Variants in KCNIP4 observed in about 807,000 individuals in gnomAD.
KCNIP4 encodes potassium voltage-gated channel interacting protein 4, also known as Kv channel-interacting protein 4.
Under a neutral mutation model 34.0 loss-of-function variants are expected in KCNIP4, and 12 were observed. The observed-to-expected ratio is 0.35, with a 90% confidence interval of 0.23 to 0.57. The LOEUF (loss-of-function observed/expected upper bound fraction) is 0.57. Among genes scored for constraint, KCNIP4 ranks in the 20% least tolerant of loss-of-function variants. The pLI is 0.83. For synonymous variants in KCNIP4, 124 were observed against 102.2 expected (o/e 1.21, Z -1.29); for missense variants, 238 against 311.7 (o/e 0.76, Z 1.78).
At chr4:21,910,515 G>A (rs1728243652) in intron 1 of KCNIP4, among the ~76,000 whole-genome samples, 1 of 152,112 alleles carries the variant, frequency 6.6e-6, no homozygotes, top group South Asian at 2.1e-4. Flanking sequence ...GGAGGATCTT[G>A]TGAAGCCCCA....
chr4:21,789,532 A>C (rs1720137074), intron 1 of KCNIP4, among the ~76,000 whole-genome samples: 1 of 152,096 alleles, frequency 6.6e-6, no homozygotes, highest in Admixed American at 6.6e-5. Context: ...TAAAAATCTA[A>C]ATTTCTGTAT....
chr4:21,796,955 T>C (rs771897207), intron 1 of KCNIP4, among the ~76,000 whole-genome samples: 1 of 152,170 alleles, frequency 6.6e-6, no homozygotes, highest in Non-Finnish European at 1.5e-5. Context: ...GCTTCTGACA[T>C]TGGCAAAGCT....
At position 21,337,664 on chromosome 4, in the gene KCNIP4, G is replaced by A. The variant is rs142078925; in HGVS notation, c.62-454955C>T. On this transcript the variant is annotated intron_variant, in intron 1 of 8. Transcript: ENST00000382152. Reference sequence around the variant, plus strand: ...AGAGGAAAAAAAATGCCTCCTAAGAGGCTTCAACTGGCTATGCTAGAATGG... The same window carrying A: ...AGAGGAAAAAAAATGCCTCCTAAGAAGCTTCAACTGGCTATGCTAGAATGG... Among the ~76,000 whole-genome samples, 206 of 152,166 alleles carry A rather than the reference G, an allele frequency of 1.4e-3. 2 individuals are homozygous for A. Among genetic ancestry groups the A allele is most frequent in the Middle Eastern group, 3.4e-3 (1 of 294 alleles).
At chr4:21,501,352 GA>G (rs1210712755) in intron 1 of KCNIP4, among the ~76,000 whole-genome samples, 1 of 150,726 alleles carries the variant, frequency 6.6e-6, no homozygotes, top group Non-Finnish European at 1.5e-5. Context: ...ATGTAGAAAA[GA>G]AGTGACAGAA....
chr4:21,878,692 A>C (rs952968364), intron 1 of KCNIP4, among the ~76,000 whole-genome samples: 3 of 152,174 alleles, frequency 2.0e-5, no homozygotes, highest in Non-Finnish European at 2.9e-5. Flanking sequence ...GAATTATTTT[A>C]TTTTCTTTTT....
chr4:21,212,331 A>G (rs1408881098), intron 1 of KCNIP4, among the ~76,000 whole-genome samples: 1 of 152,204 alleles, frequency 6.6e-6, no homozygotes, highest in Non-Finnish European at 1.5e-5. Context: ...CACTTTTCAC[A>G]GAATACATTT....
intron 1 of KCNIP4, among the ~76,000 whole-genome samples, chr4:21,637,014 G>A (rs1746228169): frequency 6.6e-6 from 1 of 152,056 alleles, no homozygotes; most frequent in Non-Finnish European, 1.5e-5. Flanking sequence ...AAGCAGCAGC[G>A]AAGAGGGGAG....
At chr4:21,918,407 A>G (rs1371575730) in intron 1 of KCNIP4, among the ~76,000 whole-genome samples, 1 of 152,128 alleles carries the variant, frequency 6.6e-6, no homozygotes, top group Non-Finnish European at 1.5e-5. Context: ...CTTTCCATGC[A>G]CATCGTATTA....
intron 1 of KCNIP4, among the ~76,000 whole-genome samples, chr4:21,919,016 G>C (rs531757994): frequency 1.3e-5 from 2 of 152,206 alleles, no homozygotes; most frequent in East Asian, 3.9e-4. Flanking sequence ...CATCTTATAA[G>C]ACAGAACAAG....
At chr4:20,840,006 A>G (rs534409948) in intron 3 of KCNIP4, among the ~76,000 whole-genome samples, 1 of 152,280 alleles carries the variant, frequency 6.6e-6, no homozygotes, top group South Asian at 2.1e-4. Flanking sequence ...CAAATGGCTC[A>G]CTGTGCTTAA....
chr4:21,796,274 T>C (rs1444249665), intron 1 of KCNIP4, among the ~76,000 whole-genome samples: 1 of 152,146 alleles, frequency 6.6e-6, no homozygotes, highest in African/African-American at 2.4e-5. Context: ...TAGCACAGGT[T>C]CTCTCCAACC....
At chr4:20,894,230 C>G (rs1577327971) in intron 1 of KCNIP4, among the ~76,000 whole-genome samples, 1 of 152,052 alleles carries the variant, frequency 6.6e-6, no homozygotes, top group East Asian at 1.9e-4. Flanking sequence ...TGGGATAAGC[C>G]AAGCATGCCT....
At chr4:21,025,063 A>G (rs1445585044) in intron 1 of KCNIP4, among the ~76,000 whole-genome samples, 1 of 152,232 alleles carries the variant, frequency 6.6e-6, no homozygotes, top group East Asian at 1.9e-4. Flanking sequence ...GAGATTTACC[A>G]GTAGGTCAAA....
At chr4:21,601,195 A>G (rs1285405723) in intron 1 of KCNIP4, among the ~76,000 whole-genome samples, 1 of 151,950 alleles carries the variant, frequency 6.6e-6, no homozygotes, top group Non-Finnish European at 1.5e-5. Flanking sequence ...AGTCCAAACT[A>G]TCATCAAACC....
At chr4:21,194,403 T>C (rs77899006) in intron 1 of KCNIP4, among the ~76,000 whole-genome samples, 77 of 152,246 alleles carry the variant, frequency 5.1e-4, no homozygotes, top group African/African-American at 1.6e-3. Flanking sequence ...ACTTGATGAA[T>C]GTGTGAAAAA....
intron 1 of KCNIP4, among the ~76,000 whole-genome samples, chr4:21,714,458 A>G (rs892559069): frequency 4.6e-5 from 7 of 151,086 alleles, no homozygotes; most frequent in Non-Finnish European, 1.0e-4. Context: ...ATGGGACAGA[A>G]AGGTAAGAGA....
intron 1 of KCNIP4, among the ~76,000 whole-genome samples, chr4:21,079,357 A>C (rs1745803235): frequency 6.6e-6 from 1 of 152,182 alleles, no homozygotes; most frequent in Non-Finnish European, 1.5e-5. Flanking sequence ...ATATATTTAA[A>C]ATTAGTTGGG....
At chr4:20,753,361 G>T (rs1259810282) in intron 4 of KCNIP4, among the ~76,000 whole-genome samples, 1 of 152,104 alleles carries the variant, frequency 6.6e-6, no homozygotes, top group African/African-American at 2.4e-5. Context: ...ACAACTTGAG[G>T]CTAAGAAAAG....
chr4:20,816,901 G>A (rs1019532733), intron 3 of KCNIP4, among the ~76,000 whole-genome samples: 1 of 152,150 alleles, frequency 6.6e-6, no homozygotes, highest in East Asian at 1.9e-4. Flanking sequence ...TTAGCCATGG[G>A]GAGTCAGGCA....
Sources: gnomAD v4.1 joint callset for allele counts (sites outside exome capture counted in the v4.1 genomes callset) on GRCh38, gnomAD v4.1.1 for gene constraint, MANE v1.5 for transcripts, NCBI Gene and HGNC (gene_info 2026-07-23, HGNC 2026-07-21) for gene names.